Variants in COLEC11 observed in about 807,000 individuals in gnomAD.
COLEC11 encodes the protein collectin-11.
COLEC11 carries 20 observed loss-of-function variants against 27.3 expected under a neutral mutation model. That is an observed-to-expected ratio of 0.73 (90% CI 0.51 to 1.06). The LOEUF (loss-of-function observed/expected upper bound fraction) is 1.06, where lower values mean the gene tolerates loss of function less well. COLEC11 is among the 50% of genes least tolerant of loss of function. The probability of loss-of-function intolerance (pLI) is 0.00; values close to 1 mark genes in which losing one functional copy is unlikely to be tolerated. For synonymous variants in COLEC11, 163 were observed against 154.7 expected, an observed-to-expected ratio of 1.05 and a Z score of -0.40; for missense variants, 310 against 383.0, an observed-to-expected ratio of 0.81 and a Z score of 1.59.
intron 3 of COLEC11, among the ~76,000 whole-genome samples, chr2:3,620,103 C>T (rs1664073780): frequency 6.6e-6 from 1 of 152,078 alleles, no homozygotes; most frequent in African/African-American, 2.4e-5. Flanking sequence ...GTATTCTCTC[C>T]TCTTCAATTT....
At chr2:3,641,542 C>T (rs1665873021) in intron 5 of COLEC11, 4 of 677,748 alleles carry the variant, frequency 5.9e-6, no homozygotes, top group East Asian at 1.4e-4. Flanking sequence ...AGGAATCCAT[C>T]CACTTCCCCT....
chr2:3,636,186 A>C (rs986776315), intron 3 of COLEC11, among the ~76,000 whole-genome samples: 1 of 151,998 alleles, frequency 6.6e-6, no homozygotes, highest in Non-Finnish European at 1.5e-5. Flanking sequence ...CGCCGGGCGC[A>C]GTGGCTCACG....
intron 3 of COLEC11, among the ~76,000 whole-genome samples, chr2:3,619,147 A>T (rs1207440078): frequency 2.0e-5 from 3 of 151,582 alleles, no homozygotes; most frequent in Non-Finnish European, 2.9e-5. Flanking sequence ...ATTTGGATGG[A>T]TCCCTCCCTC....
At chr2:3,595,549 C>G (rs1032818079) in intron 1 of COLEC11, among the ~76,000 whole-genome samples, 2 of 152,206 alleles carry the variant, frequency 1.3e-5, no homozygotes, top group Non-Finnish European at 2.9e-5. Flanking sequence ...TGTTCCTGAG[C>G]CTGAGCAGCG....
chr2:3,595,958 C>T (rs564261364), intron 1 of COLEC11, among the ~76,000 whole-genome samples: 1 of 152,190 alleles, frequency 6.6e-6, no homozygotes, highest in Non-Finnish European at 1.5e-5. Context: ...CACAGCTATT[C>T]GATTTTGTTT....
intron 1 of COLEC11, among the ~76,000 whole-genome samples, chr2:3,599,197 G>A (rs1380226069): frequency 6.6e-6 from 1 of 152,184 alleles, no homozygotes; most frequent in Non-Finnish European, 1.5e-5. Context: ...GCTGATCTCT[G>A]TGCAGTGTAT....
At chr2:3,631,244 A>G (rs1465188621) in intron 3 of COLEC11, among the ~76,000 whole-genome samples, 1 of 152,198 alleles carries the variant, frequency 6.6e-6, no homozygotes, top group Non-Finnish European at 1.5e-5. Flanking sequence ...AAAAAAAGAA[A>G]AAATTAAAAA....
chr2:3,600,850 G>A (rs998218704), intron 1 of COLEC11, among the ~76,000 whole-genome samples: 5 of 152,234 alleles, frequency 3.3e-5, no homozygotes, highest in Non-Finnish European at 7.3e-5. Context: ...GTATATGGAA[G>A]TTCATGGTAC....
chr2:3,638,840 T>TA (rs1244028224), intron 4 of COLEC11, among the ~76,000 whole-genome samples: 1 of 152,182 alleles, frequency 6.6e-6, no homozygotes, highest in Non-Finnish European at 1.5e-5. Context: ...AACTTGCCAT[T>TA]TTAAGTATTT....
At chr2:3,641,454 A>G (rs1665863795) in intron 5 of COLEC11, 3 of 1,267,166 alleles carry the variant, frequency 2.4e-6, no homozygotes, top group Non-Finnish European at 1.0e-6. Flanking sequence ...CGGGGCAAGG[A>G]GAGGGGACGT....
At chr2:3,622,380 A>G (rs1373232552) in intron 3 of COLEC11, among the ~76,000 whole-genome samples, 2 of 152,136 alleles carry the variant, frequency 1.3e-5, no homozygotes, top group African/African-American at 2.4e-5. Context: ...TTATTTTAAT[A>G]TCTTTGTCTT....
At chr2:3,639,752 A>G (rs1446038289) in intron 4 of COLEC11, among the ~76,000 whole-genome samples, 1 of 137,398 alleles carries the variant, frequency 7.3e-6, no homozygotes, top group South Asian at 2.1e-4. Context: ...GGTCCAGGCC[A>G]GGATGGAGCC....
rs551076253 is a variant in COLEC11, at chr2:3,624,129, C to T, written c.202+10747C>T. Among the ~76,000 whole-genome samples the T allele has an allele frequency of 5.3e-5, 8 of 152,272 alleles. No homozygotes were observed. The South Asian group carries it at 1.7e-3, about 32-fold the overall frequency. ...CAAAGGCAGTCTAGGTGCTACTAGC[C>T]TCTCATTAGTTTCCCCTAGGGCAGT... is the stretch of plus-strand genomic sequence containing the variant. On this transcript the variant is annotated intron_variant, in intron 3 of 6. Coordinates refer to ENST00000349077, the MANE Select transcript of COLEC11 (RefSeq NM_024027.5).
chr2:3,626,434 G>T (rs2147923846), intron 3 of COLEC11, among the ~76,000 whole-genome samples: 1 of 151,766 alleles, frequency 6.6e-6, no homozygotes, highest in Non-Finnish European at 1.5e-5. Context: ...GGGGGTGGGG[G>T]GTGGGGATCT....
chr2:3,599,519 A>G (rs1354741278), intron 1 of COLEC11, among the ~76,000 whole-genome samples: 1 of 152,208 alleles, frequency 6.6e-6, no homozygotes, highest in Non-Finnish European at 1.5e-5. Context: ...AGCATTTGCT[A>G]TGTGCCACAC....
At chr2:3,642,669 C>T (rs1018292102) in intron 5 of COLEC11, among the ~76,000 whole-genome samples, 5 of 152,256 alleles carry the variant, frequency 3.3e-5, no homozygotes, top group African/African-American at 1.2e-4. Flanking sequence ...TTTCCCTCCA[C>T]ATTCCTGCCG....
chr2:3,609,831 C>T (rs1663051454), intron 2 of COLEC11, among the ~76,000 whole-genome samples: 1 of 152,030 alleles, frequency 6.6e-6, no homozygotes, highest in African/African-American at 2.4e-5. Flanking sequence ...TGCCCAACCC[C>T]TGCTAATTTT....
intron 1 of COLEC11, among the ~76,000 whole-genome samples, chr2:3,600,639 C>A (rs1335212196): frequency 6.6e-6 from 1 of 152,220 alleles, no homozygotes; most frequent in Non-Finnish European, 1.5e-5. Context: ...TTCAGGATGG[C>A]GTCCCCCAGG....
chr2:3,628,829 C>T (rs1290320542), intron 3 of COLEC11, among the ~76,000 whole-genome samples: 1 of 152,254 alleles, frequency 6.6e-6, no homozygotes, highest in Non-Finnish European at 1.5e-5. Context: ...TGCCCTCAAT[C>T]CTCATGCGTG....
Sources: allele counts gnomAD v4.1 joint callset (sites outside exome capture counted in the v4.1 genomes callset), GRCh38; gene constraint gnomAD v4.1.1; transcripts MANE v1.5; gene names NCBI Gene and HGNC (gene_info 2026-07-23, HGNC 2026-07-21).